The following OCIAD1 variants were observed in gnomAD, a reference collection of about 807,000 sequenced individuals.
The protein encoded by OCIAD1 is OCIA domain containing 1, also known as OCIA domain-containing protein 1.
A neutral mutation model predicts 38.9 loss-of-function variants in OCIAD1; 29 were observed. The ratio of observed to expected loss-of-function variants is 0.74; its 90% CI spans 0.55 to 1.02. OCIAD1 has a LOEUF of 1.02. Ranked by LOEUF, OCIAD1 falls within the 50% of genes least tolerant of loss-of-function variation. The pLI, the probability that OCIAD1 is intolerant of heterozygous loss-of-function variation, is 0.00. For synonymous variants in OCIAD1, 110 were observed against 92.0 expected, an observed-to-expected ratio of 1.20 and a Z score of -1.12; for missense variants, 288 against 289.6, an observed-to-expected ratio of 0.99 and a Z score of 0.04.
At position 48,857,193 on chromosome 4, in the gene OCIAD1, T is replaced by C. The variant is rs372769361; in HGVS notation, c.548-20T>C. 33 of 1,478,686 alleles carry C rather than the reference T, an allele frequency of 2.2e-5. No homozygotes were observed. The African/African-American group carries it at 4.6e-4, about 21-fold the overall frequency. The allele number at this position is 1,478,686 out of a possible 1,614,324, so 91.6% of individuals were successfully genotyped here. On this transcript the variant is annotated intron_variant, in intron 7 of 8. Coordinates refer to ENST00000264312, the MANE Select transcript of OCIAD1 (RefSeq NM_017830.4). ...ATACAAATCCTTTTATTACCATTTATTAACTGTTTGTTGTTTTAGGACCTG... is the reference window on the plus strand; with the variant it reads ...ATACAAATCCTTTTATTACCATTTACTAACTGTTTGTTGTTTTAGGACCTG...
intron 4 of OCIAD1, among the ~76,000 whole-genome samples, chr4:48,843,156 T>A (rs1027656229): frequency 6.6e-6 from 1 of 152,158 alleles, no homozygotes; most frequent in African/African-American, 2.4e-5. Context: ...AAAATCAGAA[T>A]CTCAGGGGTC....
intron 4 of OCIAD1, 95 bp downstream of exon 4, chr4:48,842,784 G>A (rs994433427): frequency 3.0e-6 from 2 of 666,096 alleles, no homozygotes; most frequent in African/African-American, 3.8e-5. Context: ...AGATAACAAT[G>A]TATCATATTA....
intron 4 of OCIAD1, 59 bp downstream of exon 4, chr4:48,842,748 A>G: frequency 1.1e-6 from 1 of 904,130 alleles, no homozygotes; most frequent in Non-Finnish European, 1.7e-6. Flanking sequence ...GTTTTGTGGT[A>G]TTTTCCAGGT....
chr4:48,823,824 C>CTTTTTTTT lies in OCIAD1; in HGVS notation c.-102-6737_-102-6730dup, dbSNP rs71660459. ...ACTGCAGGGGTGCCACAATGCCTGG[C>CTTTTTTTT]TTTTTTTTTTTTTTTTTTTTTTTGT... On this transcript the variant is annotated intron_variant, in intron 1 of 6. Transcript: ENST00000504654. 2.5e-3 allele frequency among the ~76,000 whole-genome samples: 177 copies of CTTTTTTTT among 70,124 alleles called. 6 individuals carry two copies. The highest frequency in any genetic ancestry group is 3.0e-3 in the Non-Finnish European group (126 of 41,572). 46.0% of individuals were successfully genotyped at this position (70,124 alleles called of 152,430 possible).
intron 3 of OCIAD1, among the ~76,000 whole-genome samples, chr4:48,833,788 C>A (rs1777741910): frequency 6.6e-6 from 1 of 152,130 alleles, no homozygotes; most frequent in African/African-American, 2.4e-5. Context: ...ATTACCCTCA[C>A]TTTACAGGTG....
upstream of OCIAD1, among the ~76,000 whole-genome samples, chr4:48,830,349 G>C (rs1350856474): frequency 2.0e-5 from 3 of 152,164 alleles, no homozygotes. Context: ...GGCTTTGAGG[G>C]GTTGACAAAT....
chr4:48,853,834 A>G (rs925385199), intron 7 of OCIAD1, among the ~76,000 whole-genome samples: 8 of 152,218 alleles, frequency 5.3e-5, no homozygotes, highest in Non-Finnish European at 8.8e-5. Flanking sequence ...GTCGGGGCAA[A>G]GGGGTGAGTA....
At chr4:48,852,882 G>GTTTTTTGTTTTTGTTT (rs1553901200) in intron 7 of OCIAD1, among the ~76,000 whole-genome samples, 3 of 126,304 alleles carry the variant, frequency 2.4e-5, no homozygotes, top group Non-Finnish European at 5.0e-5. Flanking sequence ...TTTGTTTTTT[G>GTTTTTTGTTTTTGTTT]TTTTTTTTTT....
chr4:48,816,027 T>C, intron 1 of OCIAD1, among the ~76,000 whole-genome samples: 1 of 152,230 alleles, frequency 6.6e-6, no homozygotes, highest in Middle Eastern at 3.2e-3. Context: ...AACCATTCTC[T>C]TGCCAATATC....
chr4:48,826,037 C>T (rs369058846), intron 1 of OCIAD1, among the ~76,000 whole-genome samples: 5 of 151,956 alleles, frequency 3.3e-5, no homozygotes, highest in Admixed American at 2.0e-4. Flanking sequence ...AGGGTTTCGC[C>T]GTGTTGGCCA....
At chr4:48,809,489 G>C (rs1777064016) in intron 1 of OCIAD1, among the ~76,000 whole-genome samples, 1 of 152,064 alleles carries the variant, frequency 6.6e-6, no homozygotes, top group African/African-American at 2.4e-5. Flanking sequence ...TTGCGCCACT[G>C]CACTCTGGCC....
intron 3 of OCIAD1, 151 bp from the exon 4 acceptor site, chr4:48,842,485 T>C: frequency 1.6e-6 from 1 of 612,560 alleles, no homozygotes; most frequent in South Asian, 2.0e-5. Flanking sequence ...ATGTATACAG[T>C]ACAGCTTTTA....
intron 1 of OCIAD1, among the ~76,000 whole-genome samples, chr4:48,809,393 G>A (rs562304806): frequency 3.9e-5 from 6 of 151,924 alleles, no homozygotes; most frequent in Non-Finnish European, 7.4e-5. Flanking sequence ...GAGCGGTGGT[G>A]GGCGCCAATA....
At chr4:48,826,775 T>C (rs1239402709), upstream of OCIAD1, among the ~76,000 whole-genome samples, 1 of 152,218 alleles carries the variant, frequency 6.6e-6, no homozygotes, top group Non-Finnish European at 1.5e-5. Flanking sequence ...TTCCTCCAGC[T>C]ACCACTCTAT....
intron 4 of OCIAD1, among the ~76,000 whole-genome samples, chr4:48,845,393 A>T (rs1778894344): frequency 6.6e-6 from 1 of 152,198 alleles, no homozygotes; most frequent in South Asian, 2.1e-4. Flanking sequence ...TTCTTGACCA[A>T]CGTTACATAA....
chr4:48,849,765 T>G (rs1053673654), intron 5 of OCIAD1, among the ~76,000 whole-genome samples, 182 bp from the exon 6 acceptor site: 1 of 152,220 alleles, frequency 6.6e-6, no homozygotes, highest in Admixed American at 6.5e-5. Flanking sequence ...ATCCATAGAC[T>G]CTGTATATGA....
chr4:48,830,206 A>C (rs1011373141), upstream of OCIAD1, among the ~76,000 whole-genome samples: 1 of 152,206 alleles, frequency 6.6e-6, no homozygotes, highest in African/African-American at 2.4e-5. Context: ...TGGAGCTATC[A>C]AAAGACTCCA....
At chr4:48,856,236 T>A (rs748002857) in intron 7 of OCIAD1, 5 of 152,196 alleles carry the variant, frequency 3.3e-5, no homozygotes, top group African/African-American at 4.8e-5. Context: ...TGACTCTCTT[T>A]GGGAGAAATA....
intron 8 of OCIAD1, among the ~76,000 whole-genome samples, chr4:48,859,369 G>A (rs566574304): frequency 6.6e-6 from 1 of 152,206 alleles, no homozygotes; most frequent in East Asian, 1.9e-4. Flanking sequence ...TAATTAATTT[G>A]AGGATTTAGA....
Sources: allele counts gnomAD v4.1 joint callset (sites outside exome capture counted in the v4.1 genomes callset), GRCh38; gene constraint gnomAD v4.1.1; transcripts MANE v1.5; gene names NCBI Gene and HGNC (gene_info 2026-07-23, HGNC 2026-07-21).